Variants in PRRC2B observed in about 807,000 individuals in gnomAD.
PRRC2B encodes the protein protein PRRC2B.
A neutral mutation model predicts 242.3 loss-of-function variants in PRRC2B; 68 were observed. That is an observed-to-expected ratio of 0.28 (90% CI 0.23 to 0.34). PRRC2B has a LOEUF of 0.34. PRRC2B is among the 10% of genes least tolerant of loss of function. PRRC2B has a pLI of 1.00. For synonymous variants in PRRC2B, 1,228 were observed against 1,173.6 expected (o/e 1.05, Z -0.95); for missense variants, 2,835 against 2,954.8 (o/e 0.96, Z 0.94).
intron 5 of PRRC2B, among the ~76,000 whole-genome samples, chr9:131,443,700 G>A (rs1367640260): frequency 6.6e-6 from 1 of 152,182 alleles, no homozygotes; most frequent in Admixed American, 6.5e-5. Context: ...CAAAGTGCTA[G>A]GATTACAGGT....
intron 20 of PRRC2B, 96 bp downstream of exon 20, chr9:131,481,904 C>T: frequency 2.7e-6 from 3 of 1,096,392 alleles, no homozygotes; most frequent in African/African-American, 1.6e-5. Context: ...CCACCCAAGC[C>T]CCTGCCACAG....
intron 30 of PRRC2B, among the ~76,000 whole-genome samples, chr9:131,493,748 T>C (rs1944256570): frequency 6.6e-6 from 1 of 152,176 alleles, no homozygotes; most frequent in African/African-American, 2.4e-5. Context: ...GTCAGGTCCT[T>C]GGGGGAGTGC....
At chr9:131,481,503 C>T (rs538336412) in intron 19 of PRRC2B, among the ~76,000 whole-genome samples, 7 of 151,850 alleles carry the variant, frequency 4.6e-5, no homozygotes, top group Middle Eastern at 3.4e-3. Flanking sequence ...TTGAGAAACA[C>T]GTTGGGTGAG....
At chr9:131,442,858 T>A (rs1004050908) in intron 5 of PRRC2B, among the ~76,000 whole-genome samples, 1 of 152,226 alleles carries the variant, frequency 6.6e-6, no homozygotes, top group African/African-American at 2.4e-5. Flanking sequence ...CTAAGTTTTC[T>A]GTGTAAGGGA....
chr9:131,428,127 G>A (rs1202758994), intron 1 of PRRC2B, among the ~76,000 whole-genome samples: 2 of 151,522 alleles, frequency 1.3e-5, no homozygotes, highest in South Asian at 2.1e-4. Flanking sequence ...TCACCATGTT[G>A]GTCAGGCTGG....
chr9:131,392,885 A>C (rs1036742654), upstream of PRRC2B, among the ~76,000 whole-genome samples: 2 of 149,800 alleles, frequency 1.3e-5, no homozygotes, highest in Non-Finnish European at 3.0e-5. Flanking sequence ...GTGCCACTGC[A>C]CTCCAGCCTG....
At chr9:131,479,498 A>C in intron 19 of PRRC2B, 105 bp downstream of exon 19, 1 of 1,107,046 alleles carries the variant, frequency 9.0e-7, no homozygotes, top group South Asian at 1.5e-5. Flanking sequence ...TATAGATGGA[A>C]TACAGATGGA....
chr9:131,400,131 T>C (rs1837189212), intron 1 of PRRC2B, among the ~76,000 whole-genome samples: 2 of 152,112 alleles, frequency 1.3e-5, no homozygotes, highest in African/African-American at 2.4e-5. Flanking sequence ...TCGCCCAGTC[T>C]GGAGTGCAGT....
At chr9:131,423,014 A>T (rs1382469346) in intron 1 of PRRC2B, among the ~76,000 whole-genome samples, 1 of 152,212 alleles carries the variant, frequency 6.6e-6, no homozygotes, top group African/African-American at 2.4e-5. Context: ...GAGGGCTTAC[A>T]GCAAGGGGGC....
At chr9:131,379,017 C>T (rs1836721793) in intron 1 of PRRC2B, among the ~76,000 whole-genome samples, 1 of 152,138 alleles carries the variant, frequency 6.6e-6, no homozygotes, top group Non-Finnish European at 1.5e-5. Context: ...CCGTGCCTGA[C>T]CTTTTTTTAA....
chr9:131,447,613 G>A, intron 8 of PRRC2B, 49 bp from the exon 9 acceptor site: 1 of 1,479,056 alleles, frequency 6.8e-7, no homozygotes, highest in Non-Finnish European at 9.0e-7. Context: ...ATTTGATTTT[G>A]CTTCCGTCTG....
rs781498614 is a variant in PRRC2B, at chr9:131,459,177, C to T, written c.1225C>T (p.Pro409Ser). 1.2e-6 allele frequency: 2 copies of T among 1,613,850 alleles called. No homozygotes were observed. The highest frequency in any genetic ancestry group is 2.2e-5 in the South Asian group (2 of 91,078). The change falls in exon 11 of 32, where the codon CCT (proline) becomes TCT (serine). Residue 409 changes from proline to serine, a missense_variant. By Grantham distance (74) the Pro-to-Ser change is moderately conservative. Coordinates refer to ENST00000683519, the MANE Select transcript of PRRC2B (RefSeq NM_013318.4). ...GGTTTGTCCTAGGAACAGTTGGGAC[C>T]CTAGGAGGCAGCGGCAGTTGTCAAT... ...DGRPKWNSWD[P>S]RRQRQLSMSS...
Position 131,455,127 on chromosome 9 carries a change from A to C in PRRC2B, c.1172A>C (p.Glu391Ala). Residue 391 changes from glutamate (E) to alanine (A), a missense_variant, in exon 10 of 32, where the codon GAA (glutamate) becomes GCA (alanine). By Grantham distance (107) the Glu-to-Ala change is moderately radical (BLOSUM62 -1). Around this residue, in one of 7 missense-constraint regions of PRRC2B, gnomAD observed 626 missense variants for 685.5 expected, o/e 0.91. Transcript: ENST00000683519. ...YSEKLKFSDDEEEEEVVKDGR... is the reference protein window; with the variant it reads ...YSEKLKFSDDAEEEEVVKDGR... Reference sequence around the variant, plus strand: ...GAGAAACTGAAGTTCAGTGATGATGAAGAGGAGGAAGAAGTTGTGAAGGAC... The same window carrying C: ...GAGAAACTGAAGTTCAGTGATGATGCAGAGGAGGAAGAAGTTGTGAAGGAC... The C allele has an allele frequency of 6.2e-7, 1 of 1,613,868 alleles. No homozygotes were observed. The highest frequency in any genetic ancestry group is 8.5e-7 in the Non-Finnish European group (1 of 1,179,832).
chr9:131,495,674 G>A, intron 31 of PRRC2B, 66 bp from the exon 32 acceptor site: 1 of 1,552,246 alleles, frequency 6.4e-7, no homozygotes, highest in South Asian at 1.1e-5. Flanking sequence ...GGAGTGGTGG[G>A]AACTATGTAT....
intron 17 of PRRC2B, 105 bp from the exon 18 acceptor site, chr9:131,478,369 G>T: frequency 8.9e-7 from 1 of 1,125,324 alleles, no homozygotes; most frequent in Non-Finnish European, 1.3e-6. Flanking sequence ...TCCTGTCCAG[G>T]TTTCTGTCGA....
In PRRC2B at chr9:131,475,092, A is replaced by G. The variant is rs1441134526; in HGVS notation, c.2963A>G (p.Asp988Gly). Residue 988 changes from aspartate (D) to glycine (G), a missense_variant, in exon 16 of 32, where the codon GAC becomes GGC. Physicochemically the swap from Asp to Gly is moderately conservative, Grantham distance 94. Coordinates refer to ENST00000683519, the MANE Select transcript of PRRC2B (RefSeq NM_013318.4). ...EQSPTAEKDE[D>G]EENDASLANS... ...AGCCCCACGGCAGAAAAGGATGAGGACGAAGAGAACGATGCCTCTCTGGCC... is the reference window on the plus strand; with the variant it reads ...AGCCCCACGGCAGAAAAGGATGAGGGCGAAGAGAACGATGCCTCTCTGGCC... The G allele has an allele frequency of 1.2e-6, 2 of 1,610,990 alleles. No individual in the cohort carries two copies. The highest frequency in any genetic ancestry group is 2.2e-5 in the East Asian group (1 of 44,752).
chr9:131,429,165 T>G (rs1838056501), intron 1 of PRRC2B, among the ~76,000 whole-genome samples: 2 of 152,226 alleles, frequency 1.3e-5, no homozygotes, highest in Non-Finnish European at 2.9e-5. Flanking sequence ...CAGGCAGGTC[T>G]CGAACTCCTG....
Position 131,482,640 on chromosome 9 carries a change from G to A in PRRC2B, c.5176-70G>A. The A allele has an allele frequency of 1.3e-6, 2 of 1,521,650 alleles. No individual in the cohort carries two copies. Among genetic ancestry groups the A allele is most frequent in the Non-Finnish European group, 1.8e-6 (2 of 1,131,226 alleles). 94.3% of individuals were successfully genotyped at this position (1,521,650 alleles called of 1,614,324 possible). ...CGTCTCATCATCTTCCTCAATTCCT[G>A]GGACAGTAGAAGCTAGAGAGTGTGG... On this transcript the variant is annotated intron_variant, in intron 21 of 31. Coordinates refer to ENST00000683519, the MANE Select transcript of PRRC2B (RefSeq NM_013318.4). This position sits in a 1 kb window ranked among gnomAD's most constrained non-coding sequence, Gnocchi z 5.2.
chr9:131,467,976 C>G (rs990804101), intron 13 of PRRC2B, among the ~76,000 whole-genome samples: 2 of 152,186 alleles, frequency 1.3e-5, no homozygotes, highest in Non-Finnish European at 2.9e-5. Flanking sequence ...GTGGAGGTCC[C>G]TGGGAATGAA....
Sources: gnomAD v4.1 joint callset for allele counts (sites outside exome capture counted in the v4.1 genomes callset) on GRCh38, gnomAD v4.1.1 for gene constraint, gnomAD v4.1.1 regional missense constraint, Gnocchi (gnomAD v3.1) non-coding constraint, MANE v1.5 for transcripts, NCBI Gene and HGNC (gene_info 2026-07-23, HGNC 2026-07-21) for gene names.